ZNF423: variants seen among roughly 807,000 people sequenced by gnomAD.
ZNF423 encodes zinc finger protein 423, also known as Ebf-associated zinc finger protein.
A neutral mutation model predicts 95.8 loss-of-function variants in ZNF423; 12 were observed. The ratio of observed to expected loss-of-function variants is 0.13; its 90% confidence interval spans 0.08 to 0.20. The LOEUF is 0.20. Among genes scored for constraint, ZNF423 ranks in the 10% least tolerant of loss-of-function variants. ZNF423 has a pLI of 1.00. For synonymous variants in ZNF423, 749 were observed against 711.9 expected, an observed-to-expected ratio of 1.05 and a Z score of -0.83; for missense variants, 1,316 against 1,737.1, an observed-to-expected ratio of 0.76 and a Z score of 4.31.
chr16:49,689,323 T>C (rs975479848), intron 3 of ZNF423, among the ~76,000 whole-genome samples: 4 of 148,788 alleles, frequency 2.7e-5, no homozygotes, highest in African/African-American at 9.9e-5. Context: ...CCAGGCGTGG[T>C]GGTGCGTGCC....
intron 5 of ZNF423, among the ~76,000 whole-genome samples, chr16:49,619,906 A>G (rs1972000262): frequency 6.6e-6 from 1 of 152,074 alleles, no homozygotes; most frequent in Non-Finnish European, 1.5e-5. Context: ...GGGGCGAGAC[A>G]CTGACTTCCA....
At chr16:49,573,026 T>C (rs916657913) in intron 5 of ZNF423, among the ~76,000 whole-genome samples, 1 of 152,116 alleles carries the variant, frequency 6.6e-6, no homozygotes, top group Non-Finnish European at 1.5e-5. Flanking sequence ...GACAGGTAGA[T>C]GGATGAATGG....
chr16:49,698,726 G>A (rs2032065177), intron 3 of ZNF423, among the ~76,000 whole-genome samples: 1 of 152,214 alleles, frequency 6.6e-6, no homozygotes, highest in Non-Finnish European at 1.5e-5. Flanking sequence ...CCCTCTGAGA[G>A]TTCATTACCA....
At chr16:49,641,010 G>A (rs538664465) in intron 3 of ZNF423, among the ~76,000 whole-genome samples, 5 of 152,310 alleles carry the variant, frequency 3.3e-5, no homozygotes, top group African/African-American at 4.8e-5. Flanking sequence ...CTCGGCCCCC[G>A]CTCCAGGCCA....
At chr16:49,762,427 C>T (rs896992414) in intron 2 of ZNF423, among the ~76,000 whole-genome samples, 7 of 152,184 alleles carry the variant, frequency 4.6e-5, no homozygotes, top group African/African-American at 1.7e-4. Context: ...GCCAGCCCTT[C>T]GCAGGGCACA....
intron 4 of ZNF423, among the ~76,000 whole-genome samples, chr16:49,632,352 G>C (rs1337965246): frequency 6.6e-6 from 1 of 152,172 alleles, no homozygotes; most frequent in Non-Finnish European, 1.5e-5. Flanking sequence ...TTACATGAGT[G>C]GGTCCTCAGG....
intron 2 of ZNF423, chr16:49,764,305 T>G (rs1244752842): frequency 6.6e-6 from 1 of 152,294 alleles, no homozygotes; most frequent in Non-Finnish European, 1.5e-5. Context: ...CCTGAACAAA[T>G]TAAAGCAACC....
chr16:49,497,027 C>T (rs1967189507), intron 7 of ZNF423, among the ~76,000 whole-genome samples: 1 of 152,174 alleles, frequency 6.6e-6, no homozygotes, highest in South Asian at 2.1e-4. Context: ...CTTGGAACAA[C>T]AGGTGTCATT....
chr16:49,641,233 G>A (rs1281585425), intron 3 of ZNF423, among the ~76,000 whole-genome samples: 1 of 152,218 alleles, frequency 6.6e-6, no homozygotes, highest in East Asian at 1.9e-4. Context: ...CTGATGCCAG[G>A]ACTGTCCACA....
intron 7 of ZNF423, among the ~76,000 whole-genome samples, chr16:49,511,865 A>G (rs1827088360): frequency 6.6e-6 from 1 of 152,198 alleles, no homozygotes; most frequent in Non-Finnish European, 1.5e-5. Context: ...ACACAGACCA[A>G]CTGTGCTCGT....
chr16:49,543,572 A>C (rs529335163), intron 5 of ZNF423, among the ~76,000 whole-genome samples: 5 of 152,360 alleles, frequency 3.3e-5, no homozygotes, highest in Non-Finnish European at 4.4e-5. Context: ...GGTTGGGAAG[A>C]AATATGCCCT....
intron 3 of ZNF423, among the ~76,000 whole-genome samples, chr16:49,717,946 C>T (rs943689734): frequency 2.6e-5 from 4 of 152,194 alleles, no homozygotes; most frequent in Non-Finnish European, 5.9e-5. Flanking sequence ...AACTACTGGA[C>T]TACCCCACAG....
At chr16:49,546,666 C>T (rs1369988761) in intron 5 of ZNF423, among the ~76,000 whole-genome samples, 1 of 152,148 alleles carries the variant, frequency 6.6e-6, no homozygotes, top group South Asian at 2.1e-4. Context: ...CGTGGAAGCT[C>T]GAGATGTCAT....
At chr16:49,618,890 C>T (rs1412789891) in intron 5 of ZNF423, among the ~76,000 whole-genome samples, 5 of 152,270 alleles carry the variant, frequency 3.3e-5, no homozygotes, top group African/African-American at 1.2e-4. Context: ...TTAAATGTTT[C>T]TCCAGCCCAT....
intron 1 of ZNF423, among the ~76,000 whole-genome samples, chr16:49,853,220 C>T (rs896576951): frequency 7.4e-6 from 1 of 134,878 alleles, no homozygotes; most frequent in Non-Finnish European, 1.5e-5. Context: ...AGGTGAAGAC[C>T]TTGTCGTTTC....
At chr16:49,575,109 C>G (rs892389470) in intron 5 of ZNF423, among the ~76,000 whole-genome samples, 3 of 152,182 alleles carry the variant, frequency 2.0e-5, no homozygotes, top group Non-Finnish European at 4.4e-5. Flanking sequence ...AGGAGCCACA[C>G]TGCACCTTCG....
chr16:49,504,079 G>T (rs1223976276), intron 7 of ZNF423, among the ~76,000 whole-genome samples: 1 of 152,188 alleles, frequency 6.6e-6, no homozygotes, highest in African/African-American at 2.4e-5. Flanking sequence ...TGGAACAGTG[G>T]CTGCTGGGGG....
chr16:49,721,830 G>A (rs1433284117), intron 3 of ZNF423, among the ~76,000 whole-genome samples: 2 of 152,032 alleles, frequency 1.3e-5, no homozygotes, highest in Non-Finnish European at 2.9e-5. Context: ...ACATAGACAC[G>A]GTCTATGCCT....
At chr16:49,594,337 C>T (rs866998443) in intron 5 of ZNF423, among the ~76,000 whole-genome samples, 1 of 152,126 alleles carries the variant, frequency 6.6e-6, no homozygotes, top group African/African-American at 2.4e-5. Flanking sequence ...AAGAGATGGC[C>T]ACACCCTTGC....
Sources: allele counts gnomAD v4.1 joint callset (sites outside exome capture counted in the v4.1 genomes callset), GRCh38; gene constraint gnomAD v4.1.1; transcripts MANE v1.5; gene names NCBI Gene and HGNC (gene_info 2026-07-23, HGNC 2026-07-21).